Variants in SHC3 observed in about 807,000 individuals in gnomAD.
SHC3 encodes the protein SHC-transforming protein 3.
In SHC3, 15 loss-of-function variants were observed where a neutral mutation model predicts 60.4. The ratio of observed to expected loss-of-function variants is 0.25; its 90% CI spans 0.17 to 0.38. The LOEUF (loss-of-function observed/expected upper bound fraction) is 0.38. SHC3 is among the 10% of genes least tolerant of loss of function. The probability of loss-of-function intolerance (pLI) is 1.00; values close to 1 mark genes in which losing one functional copy is unlikely to be tolerated. For missense variants in SHC3, 677 were observed against 786.1 expected (o/e 0.86, Z 1.66); for synonymous variants, 294 against 325.9 (o/e 0.90, Z 1.05).
intron 5 of SHC3, among the ~76,000 whole-genome samples, chr9:89,066,012 C>G (rs754107215): frequency 6.6e-6 from 1 of 152,168 alleles, no homozygotes; most frequent in African/African-American, 2.4e-5. Context: ...GGATGTGAGG[C>G]CTGTGCATTC....
chr9:89,058,819 A>G (rs553407322), intron 6 of SHC3, among the ~76,000 whole-genome samples: 286 of 93,136 alleles, frequency 3.1e-3, no homozygotes, highest in African/African-American at 0.012. Flanking sequence ...TGTAGAAGAC[A>G]TGGTGGAGGA....
intron 2 of SHC3, among the ~76,000 whole-genome samples, chr9:89,100,976 AT>A (rs1304568888): frequency 6.6e-6 from 1 of 152,168 alleles, no homozygotes; most frequent in East Asian, 1.9e-4. Context: ...TTTTACTGGA[AT>A]TGTGTTAAAT....
chr9:89,098,614 T>A (rs1007900621), intron 2 of SHC3, among the ~76,000 whole-genome samples: 6 of 152,116 alleles, frequency 3.9e-5, no homozygotes, highest in African/African-American at 1.4e-4. Context: ...ATCGAGACCA[T>A]CCTGGCTAAC....
intron 11 of SHC3, 115 bp from the exon 12 acceptor site, chr9:89,013,690 G>T (rs1023187853): frequency 1.4e-6 from 2 of 1,421,792 alleles, no homozygotes; most frequent in South Asian, 1.4e-5. Context: ...AGGAGGGGGG[G>T]ACAAGGGGCT....
chr9:89,137,221 G>A (rs975289777), intron 1 of SHC3, among the ~76,000 whole-genome samples: 1 of 152,104 alleles, frequency 6.6e-6, no homozygotes, highest in African/African-American at 2.4e-5. Flanking sequence ...CCATGTCATG[G>A]AGATACCATT....
At chr9:89,124,595 C>T (rs891070390) in intron 1 of SHC3, among the ~76,000 whole-genome samples, 10 of 152,066 alleles carry the variant, frequency 6.6e-5, no homozygotes, top group Admixed American at 3.9e-4. Context: ...GAACAGAAAA[C>T]CAAACACTGC....
In SHC3 at chr9:89,077,731, G is replaced by A. The variant is rs913647910; in HGVS notation, c.609+109C>T. 148 of 1,338,830 alleles carry A rather than the reference G, an allele frequency of 1.1e-4. 1 individual carries two copies. Among genetic ancestry groups the A allele is most frequent in the South Asian group, 7.9e-4 (65 of 82,164 alleles). The allele number at this position is 1,338,830 out of a possible 1,614,324, so 82.9% of individuals were successfully genotyped here. On this transcript the variant is annotated intron_variant, in intron 3 of 11. Transcript: ENST00000375835. ...TCTGCTTTTAGAAGTAGCAAGCGCCGGGCCACAGAAAGAGGACAATGAATA... is the reference window on the plus strand; with the variant it reads ...TCTGCTTTTAGAAGTAGCAAGCGCCAGGCCACAGAAAGAGGACAATGAATA...
intron 4 of SHC3, among the ~76,000 whole-genome samples, chr9:89,072,012 T>C (rs1825282226): frequency 6.6e-6 from 1 of 152,254 alleles, no homozygotes; most frequent in South Asian, 2.1e-4. Flanking sequence ...TTTCTCTTGA[T>C]GCTAAATGTT....
intron 11 of SHC3, among the ~76,000 whole-genome samples, chr9:89,018,355 G>A (rs1438431197): frequency 6.6e-6 from 1 of 152,134 alleles, no homozygotes; most frequent in African/African-American, 2.4e-5. Flanking sequence ...CATGGATGAA[G>A]CTGGAAACCA....
intron 6 of SHC3, among the ~76,000 whole-genome samples, chr9:89,055,302 GC>G (rs1184202464): frequency 2.6e-5 from 4 of 152,214 alleles, no homozygotes; most frequent in Non-Finnish European, 5.9e-5. Context: ...CTCAGGACTG[GC>G]CCCCGGCCAT....
At chr9:89,099,543 A>G (rs1176707809) in intron 2 of SHC3, among the ~76,000 whole-genome samples, 1 of 152,170 alleles carries the variant, frequency 6.6e-6, no homozygotes, top group Non-Finnish European at 1.5e-5. Flanking sequence ...GCAAGCTTTA[A>G]TGCTTGACCT....
At position 89,038,204 on chromosome 9, in the gene SHC3, G is replaced by A. The variant is rs1401896170; in HGVS notation, c.1445C>T (p.Ser482Leu). ...AASVECISPV[S>L]PRAPDAKMLE... ...CATCTTGGCATCTGGGGCTCTAGGT[G>A]ACACAGGGCTGATGCACTCCACGGA... The change falls in exon 11 of 12, where the codon TCA becomes TTA. Residue 482 changes from serine (S) to leucine (L), a missense_variant. Physicochemically the swap from Ser to Leu is moderately radical, Grantham distance 145. Transcript: ENST00000375835. The A allele has an allele frequency of 6.2e-7, 1 of 1,614,096 alleles. No homozygotes were observed. The highest frequency in any genetic ancestry group is 8.5e-7 in the Non-Finnish European group (1 of 1,180,024).
intron 1 of SHC3, among the ~76,000 whole-genome samples, chr9:89,114,366 G>A (rs949054263): frequency 1.3e-5 from 2 of 152,034 alleles, no homozygotes; most frequent in Admixed American, 6.6e-5. Context: ...CCCCATGGAC[G>A]TATACAGTTA....
At chr9:89,033,007 C>CA (rs5899063) in intron 11 of SHC3, among the ~76,000 whole-genome samples, 57,571 of 146,938 alleles carry the variant, frequency 0.39, 12,960 homozygotes, top group East Asian at 0.97. Context: ...AAATTAGATC[C>CA]AACAAAAAAG....
chr9:89,114,693 G>T (rs1211908704), intron 1 of SHC3, among the ~76,000 whole-genome samples: 1 of 152,002 alleles, frequency 6.6e-6, no homozygotes, highest in Non-Finnish European at 1.5e-5. Context: ...CATGACTAGA[G>T]TCACAGAATT....
chr9:89,031,747 TG>T (rs141154875), intron 11 of SHC3, among the ~76,000 whole-genome samples: 22,514 of 152,142 alleles, frequency 0.15, 3,131 homozygotes, highest in African/African-American at 0.38. Context: ...GGAAATGGTT[TG>T]GGGGAGATCA....
intron 6 of SHC3, among the ~76,000 whole-genome samples, chr9:89,057,625 A>G (rs1269642443): frequency 6.6e-6 from 1 of 152,046 alleles, no homozygotes; most frequent in East Asian, 1.9e-4. Context: ...CCTGGACGAG[A>G]GCACAAAAAA....
intron 3 of SHC3, 61 bp from the exon 4 acceptor site, chr9:89,075,289 G>T: frequency 6.3e-7 from 1 of 1,589,370 alleles, no homozygotes; most frequent in Non-Finnish European, 8.6e-7. Context: ...GTGGGGATGT[G>T]GATGCCTGCC....
At chr9:89,047,609 A>C (rs1824794881) in intron 7 of SHC3, among the ~76,000 whole-genome samples, 1 of 152,228 alleles carries the variant, frequency 6.6e-6, no homozygotes, top group Non-Finnish European at 1.5e-5. Context: ...TTCTCCAGAG[A>C]TACACAAAAA....
Sources: gnomAD v4.1 joint callset for allele counts (sites outside exome capture counted in the v4.1 genomes callset) on GRCh38, gnomAD v4.1.1 for gene constraint, MANE v1.5 for transcripts, NCBI Gene and HGNC (gene_info 2026-07-23, HGNC 2026-07-21) for gene names.